GAREM1: variants seen among roughly 807,000 people sequenced by gnomAD.
GAREM1 encodes GRB2-associated and regulator of MAPK protein 1.
A neutral mutation model predicts 71.3 loss-of-function variants in GAREM1; 26 were observed. The observed-to-expected ratio is 0.36, with a 90% CI of 0.27 to 0.51. The LOEUF (loss-of-function observed/expected upper bound fraction) is 0.51, where lower values mean the gene tolerates loss of function less well. GAREM1 is among the 20% of genes least tolerant of loss of function. The pLI, the probability that GAREM1 is intolerant of heterozygous loss-of-function variation, is 0.95. For synonymous variants in GAREM1, 440 were observed against 433.2 expected, an observed-to-expected ratio of 1.02 and a Z score of -0.20; for missense variants, 1,026 against 1,103.1, an observed-to-expected ratio of 0.93 and a Z score of 0.99.
intron 2 of GAREM1, among the ~76,000 whole-genome samples, chr18:32,332,379 C>T (rs1012024273): frequency 1.3e-5 from 2 of 151,808 alleles, no homozygotes; most frequent in Non-Finnish European, 2.9e-5. Context: ...AGCCCAGCCC[C>T]CATGCTCACA....
At chr18:32,315,712 C>T (rs1469945360) in intron 2 of GAREM1, among the ~76,000 whole-genome samples, 1 of 151,880 alleles carries the variant, frequency 6.6e-6, no homozygotes, top group East Asian at 1.9e-4. Context: ...TCCCTTAAAA[C>T]TGTGATTGCA....
rs145789688 is a variant in GAREM1 at position 32,373,130 on chromosome 18, A to G, written c.262+19765T>C. On this transcript the variant is annotated intron_variant, in intron 2 of 5. Transcript: ENST00000269209. ...GTATCTCTTTATATAGTAGATAAAT[A>G]TCTAATTTTTTATTTTTAAATGGAG... 2.2e-4 allele frequency among the ~76,000 whole-genome samples: 33 copies of G among 152,326 alleles called. No individual in the cohort carries two copies. The East Asian group carries it at 5.6e-3, about 26-fold the overall frequency.
chr18:32,353,274 G>A (rs1376050003), intron 2 of GAREM1, among the ~76,000 whole-genome samples: 2 of 152,210 alleles, frequency 1.3e-5, no homozygotes, highest in Non-Finnish European at 2.9e-5. Flanking sequence ...TGTGGGCCAT[G>A]TGTTTTCTGA....
rs370733487 is a variant in GAREM1 at position 32,288,069 on chromosome 18, T to G, written c.528A>C (p.Thr176=). ...TGAGCTTCCCAATCTTTTTGAAGAT[T>G]GTGTTGAGTCGTGACTTTTCCTTGA... ...KTFKEKSRLN[T]IFKKIGKLNS... is the part of the protein sequence containing the mutation. The change falls in exon 4 of 6, where the codon ACA becomes ACC. Residue 176 remains threonine, a synonymous_variant. Transcript: ENST00000269209. The G allele has an allele frequency of 8.2e-5, 133 of 1,614,078 alleles. No homozygotes were observed. The highest frequency in any genetic ancestry group is 1.1e-4 in the Non-Finnish European group (129 of 1,180,038).
intron 4 of GAREM1, among the ~76,000 whole-genome samples, chr18:32,272,483 C>T (rs911840088): frequency 2.6e-5 from 4 of 152,140 alleles, no homozygotes; most frequent in Non-Finnish European, 4.4e-5. Context: ...CCACAATAGA[C>T]GCAGGCTTTC....
At chr18:32,323,394 A>G (rs1269042698) in intron 2 of GAREM1, among the ~76,000 whole-genome samples, 1 of 152,238 alleles carries the variant, frequency 6.6e-6, no homozygotes, top group Non-Finnish European at 1.5e-5. Flanking sequence ...TACTCTTTAC[A>G]GCTTTTAGCA....
At chr18:32,382,866 A>T in intron 2 of GAREM1, among the ~76,000 whole-genome samples, 1 of 151,882 alleles carries the variant, frequency 6.6e-6, no homozygotes, top group Middle Eastern at 3.2e-3. Context: ...GAGAACTGGG[A>T]CTCCCACACG....
chr18:32,382,350 ATTC>A (rs1254934444), intron 2 of GAREM1, among the ~76,000 whole-genome samples: 8 of 152,086 alleles, frequency 5.3e-5, no homozygotes, highest in South Asian at 2.1e-4. Context: ...GGATTTCACT[ATTC>A]TTCTTCTTGA....
At chr18:32,388,245 T>TA (rs941964017) in intron 2 of GAREM1, among the ~76,000 whole-genome samples, 1 of 151,802 alleles carries the variant, frequency 6.6e-6, no homozygotes, top group African/African-American at 2.4e-5. Flanking sequence ...AGCAGGTAAG[T>TA]AAAAAAATAA....
chr18:32,467,020 G>A (rs910337041), intron 1 of GAREM1, among the ~76,000 whole-genome samples: 1 of 152,184 alleles, frequency 6.6e-6, no homozygotes, highest in African/African-American at 2.4e-5. Context: ...CACTTCAGGA[G>A]TGGCATGTAT....
In GAREM1 at chr18:32,270,316, G is replaced by A; in HGVS notation, c.1634C>T (p.Thr545Ile). ...VPPRSAKPLSTSPSIPPRTVK... is the reference protein window; with the variant it reads ...VPPRSAKPLSISPSIPPRTVK... ...TGTGCGAGGAGGGATGGAGGGACTGGTGGACAAAGGCTTTGCGCTTCGGGG... is the reference window on the plus strand; with the variant it reads ...TGTGCGAGGAGGGATGGAGGGACTGATGGACAAAGGCTTTGCGCTTCGGGG... The change falls in exon 5 of 6, where the codon ACC becomes ATC. Residue 545 changes from threonine to isoleucine, a missense_variant. Thr to Ile is a moderately conservative substitution (Grantham distance 89). This residue lies in a region of GAREM1 where 636 missense variants were observed against 631.2 expected (regional missense o/e 1.01). Transcript: ENST00000269209. 1 of 1,614,074 alleles carries A rather than the reference G, an allele frequency of 6.2e-7. No homozygotes were observed. Among genetic ancestry groups the A allele is most frequent in the Non-Finnish European group, 8.5e-7 (1 of 1,179,990 alleles).
In GAREM1 at chr18:32,418,983, G is replaced by A. The variant is rs371268668; in HGVS notation, c.122-25948C>T. On this transcript the variant is annotated intron_variant, in intron 1 of 5. Coordinates refer to ENST00000269209, the MANE Select transcript of GAREM1 (RefSeq NM_001242409.2). ...TCTCCACTCAGGCTGAAATCAAGGC[G>A]TCAGCTGGCTGCATTCTCATCTGGA... Among the ~76,000 whole-genome samples the A allele has an allele frequency of 4.1e-4, 63 of 152,290 alleles. 1 individual carries two copies. In the East Asian group the frequency reaches 7.3e-3, roughly 18 times the overall value.
At chr18:32,338,546 G>GA (rs2047618819) in intron 2 of GAREM1, among the ~76,000 whole-genome samples, 1 of 152,082 alleles carries the variant, frequency 6.6e-6, no homozygotes, top group Non-Finnish European at 1.5e-5. Context: ...GAGACAAAAT[G>GA]AAAAAACCAT....
intron 4 of GAREM1, among the ~76,000 whole-genome samples, chr18:32,285,689 CTT>C (rs1307920398): frequency 2.0e-5 from 3 of 152,292 alleles, no homozygotes; most frequent in East Asian, 1.9e-4. Context: ...TTATCTCTCT[CTT>C]GTTTTCCTAT....
chr18:32,398,790 A>C (rs147939762), intron 1 of GAREM1, among the ~76,000 whole-genome samples: 3 of 152,178 alleles, frequency 2.0e-5, no homozygotes, highest in African/African-American at 7.2e-5. Context: ...CAATAGAAAA[A>C]GAGGGAATCC....
intron 3 of GAREM1, among the ~76,000 whole-genome samples, chr18:32,300,788 C>A (rs1247664968): frequency 6.6e-6 from 1 of 151,070 alleles, no homozygotes; most frequent in African/African-American, 2.5e-5. Flanking sequence ...TGCCTGTAAT[C>A]CCAGCTACTT....
rs572338558 is a variant in GAREM1 at position 32,450,654 on chromosome 18, C to A, written c.121+19654G>T. 2.0e-5 allele frequency among the ~76,000 whole-genome samples: 3 copies of A among 152,302 alleles called. No homozygotes were observed. In the East Asian group the frequency reaches 5.8e-4, roughly 29 times the overall value. ...GAACTGAATTTCCTCTTCAATACCT[C>A]AACATAGCCACAAATTATCTTGCTG... is the stretch of plus-strand genomic sequence containing the variant. On this transcript the variant is annotated intron_variant, in intron 1 of 5. Transcript: ENST00000269209.
chr18:32,360,196 C>T (rs1461229467), intron 2 of GAREM1, among the ~76,000 whole-genome samples: 1 of 151,570 alleles, frequency 6.6e-6, no homozygotes, highest in Non-Finnish European at 1.5e-5. Context: ...TAGTTTCCAG[C>T]TGCTTCTTAA....
intron 2 of GAREM1, among the ~76,000 whole-genome samples, chr18:32,312,233 T>C (rs2047331624): frequency 6.6e-6 from 1 of 152,182 alleles, no homozygotes; most frequent in African/African-American, 2.4e-5. Context: ...TTTGAAGCCA[T>C]GACATTTTGA....
Sources: allele counts gnomAD v4.1 joint callset (sites outside exome capture counted in the v4.1 genomes callset), GRCh38; gene constraint gnomAD v4.1.1; regional missense constraint gnomAD v4.1.1; transcripts MANE v1.5; gene names NCBI Gene and HGNC (gene_info 2026-07-23, HGNC 2026-07-21).